PRKCE: variants seen among roughly 807,000 people sequenced by gnomAD.
The protein encoded by PRKCE is protein kinase C epsilon type.
Under a neutral mutation model 85.4 loss-of-function variants are expected in PRKCE, and 16 were observed. That is an observed-to-expected ratio of 0.19 (90% CI 0.13 to 0.28). PRKCE has a LOEUF of 0.28. Ranked by LOEUF, PRKCE falls within the 10% of genes least tolerant of loss-of-function variation. The pLI is 1.00. For missense variants in PRKCE, 573 were observed against 975.2 expected (o/e 0.59, Z 5.49); for synonymous variants, 388 against 371.5 (o/e 1.04, Z -0.51).
At chr2:45,688,551 A>T (rs1344355439) in intron 1 of PRKCE, among the ~76,000 whole-genome samples, 3 of 152,202 alleles carry the variant, frequency 2.0e-5, no homozygotes, top group Non-Finnish European at 2.9e-5. Flanking sequence ...TTTAACTTGG[A>T]TGAATATATT....
At chr2:45,712,673 C>T (rs780019998) in intron 1 of PRKCE, among the ~76,000 whole-genome samples, 2 of 152,144 alleles carry the variant, frequency 1.3e-5, no homozygotes, top group South Asian at 2.1e-4. Flanking sequence ...ATTCCCTTTG[C>T]CTGGAAGGGC....
At chr2:45,961,081 A>G (rs1272747666) in intron 2 of PRKCE, among the ~76,000 whole-genome samples, 2 of 152,350 alleles carry the variant, frequency 1.3e-5, no homozygotes, top group East Asian at 3.9e-4. Context: ...CTCAGGAGCT[A>G]AGTCAGCCTT....
chr2:45,855,243 A>C (rs927437280), intron 2 of PRKCE, among the ~76,000 whole-genome samples: 1 of 152,212 alleles, frequency 6.6e-6, no homozygotes, highest in Non-Finnish European at 1.5e-5. Flanking sequence ...TGTTTATTTT[A>C]CTTTTTAAAA....
chr2:45,658,098 G>C (rs1021515316), intron 1 of PRKCE, among the ~76,000 whole-genome samples: 3 of 152,166 alleles, frequency 2.0e-5, no homozygotes, highest in Admixed American at 6.5e-5. Context: ...GGGGTGGGAA[G>C]GGACTACTAA....
At chr2:45,722,412 G>A (rs758745409) in intron 1 of PRKCE, among the ~76,000 whole-genome samples, 18 of 152,104 alleles carry the variant, frequency 1.2e-4, no homozygotes, top group Admixed American at 7.9e-4. Context: ...CAAAAAAAGC[G>A]TTAGTATTAT....
chr2:45,865,800 T>TTTCTTCTTC (rs371476589), intron 2 of PRKCE, among the ~76,000 whole-genome samples: 18,716 of 125,606 alleles, frequency 0.15, 1,915 homozygotes, highest in Non-Finnish European at 0.21. Context: ...AGAAAATAAG[T>TTTCTTCTTC]TTCTTCTTCT....
chr2:45,971,089 C>A (rs565905469), intron 2 of PRKCE, among the ~76,000 whole-genome samples: 1 of 152,174 alleles, frequency 6.6e-6, no homozygotes, highest in Admixed American at 6.5e-5. Flanking sequence ...TAACTATAGG[C>A]ACAAAATTGC....
At chr2:46,103,979 C>T (rs1416779797) in intron 11 of PRKCE, among the ~76,000 whole-genome samples, 1 of 152,134 alleles carries the variant, frequency 6.6e-6, no homozygotes, top group Non-Finnish European at 1.5e-5. Context: ...CCTCTTTTGC[C>T]TTTTCATTTC....
intron 10 of PRKCE, among the ~76,000 whole-genome samples, chr2:46,014,631 A>G (rs193031145): frequency 9.8e-5 from 15 of 152,326 alleles, no homozygotes; most frequent in Non-Finnish European, 1.6e-4. Flanking sequence ...AATTGTTTCA[A>G]TTACAAGTCT....
intron 11 of PRKCE, among the ~76,000 whole-genome samples, chr2:46,142,811 A>T (rs1425916359): frequency 1.3e-5 from 2 of 152,278 alleles, no homozygotes; most frequent in African/African-American, 4.8e-5. Flanking sequence ...GGAGCCTTGC[A>T]GCCTGAGTCA....
chr2:46,066,951 GT>G (rs1328110340), intron 10 of PRKCE, among the ~76,000 whole-genome samples: 4 of 152,194 alleles, frequency 2.6e-5, no homozygotes, highest in African/African-American at 9.7e-5. Context: ...TATGTTCAAA[GT>G]GATGACATTG....
intron 1 of PRKCE, among the ~76,000 whole-genome samples, chr2:45,820,551 A>G (rs1479935167): frequency 6.6e-6 from 1 of 152,090 alleles, no homozygotes; most frequent in Non-Finnish European, 1.5e-5. Flanking sequence ...GTTTTGAAGG[A>G]TGTTAAATGT....
rs115153653 is a variant in PRKCE, at chr2:45,702,700, A to T, written c.348+50252A>T. 3.3e-3 allele frequency among the ~76,000 whole-genome samples: 499 copies of T among 152,180 alleles called. 3 individuals carry two copies. The highest frequency in any genetic ancestry group is 0.012 in the African/African-American group (478 of 41,522). ...TAGAACCCTTCTTTTTTTTCCCCCA[A>T]AATAAAGCTCTAGGGGTACCCCAGC... On this transcript the variant is annotated intron_variant, in intron 1 of 14. Transcript: ENST00000306156.
At chr2:46,168,985 T>C (rs1444629415) in intron 14 of PRKCE, among the ~76,000 whole-genome samples, 1 of 152,134 alleles carries the variant, frequency 6.6e-6, no homozygotes, top group Non-Finnish European at 1.5e-5. Flanking sequence ...CTGGTTCGTG[T>C]GTATTGAAGT....
intron 7 of PRKCE, among the ~76,000 whole-genome samples, chr2:46,003,592 A>G (rs1168391564): frequency 6.6e-6 from 1 of 152,230 alleles, no homozygotes; most frequent in Non-Finnish European, 1.5e-5. Flanking sequence ...ACCTCACAAT[A>G]TACACATAAA....
chr2:45,678,886 A>G (rs1331353976), intron 1 of PRKCE, among the ~76,000 whole-genome samples: 2 of 152,194 alleles, frequency 1.3e-5, no homozygotes, highest in Admixed American at 6.5e-5. Context: ...ATTAACTTCT[A>G]CTATCACTCA....
chr2:46,005,991 A>G (rs1447421091), intron 8 of PRKCE, among the ~76,000 whole-genome samples: 1 of 152,170 alleles, frequency 6.6e-6, no homozygotes, highest in African/African-American at 2.4e-5. Context: ...TTCAGAGACC[A>G]GGGTTTGTAG....
intron 10 of PRKCE, among the ~76,000 whole-genome samples, chr2:46,026,267 G>A (rs1028268958): frequency 6.6e-6 from 1 of 152,188 alleles, no homozygotes; most frequent in Admixed American, 6.5e-5. Flanking sequence ...TAAAAGCTAT[G>A]TGGATGGTTC....
At chr2:45,936,760 G>A (rs765122956) in intron 2 of PRKCE, among the ~76,000 whole-genome samples, 1 of 152,220 alleles carries the variant, frequency 6.6e-6, no homozygotes, top group Non-Finnish European at 1.5e-5. Context: ...TTAAAGAAGT[G>A]TGATTTTGGA....
Sources: gnomAD v4.1 joint callset for allele counts (sites outside exome capture counted in the v4.1 genomes callset) on GRCh38, gnomAD v4.1.1 for gene constraint, MANE v1.5 for transcripts, NCBI Gene and HGNC (gene_info 2026-07-23, HGNC 2026-07-21) for gene names.